The following CFAP74 variants were observed in gnomAD, a reference collection of about 807,000 sequenced individuals.
CFAP74 encodes the protein cilia- and flagella-associated protein 74.
A neutral mutation model predicts 188.9 loss-of-function variants in CFAP74; 124 were observed. The observed-to-expected ratio is 0.66, with a 90% CI of 0.57 to 0.76. The LOEUF is 0.76. Among genes scored for constraint, CFAP74 ranks in the 30% least tolerant of loss-of-function variants. CFAP74 has a pLI of 0.00. For missense variants in CFAP74, 2,198 were observed against 2,165.2 expected (o/e 1.02, Z -0.30); for synonymous variants, 956 against 916.7 (o/e 1.04, Z -0.77).
chr1:1,983,243 AGAAACACG>A (rs755170659), intron 6 of CFAP74, among the ~76,000 whole-genome samples: 10 of 152,218 alleles, frequency 6.6e-5, no homozygotes, highest in Non-Finnish European at 1.5e-4. Flanking sequence ...AATTCTGGCA[AGAAACACG>A]GAGGGATGCC....
chr1:1,968,550 G>A lies in CFAP74; in HGVS notation c.1245+85C>T, dbSNP rs1392457027. The A allele has an allele frequency of 2.8e-5, 33 of 1,190,032 alleles. No homozygotes were observed. Among genetic ancestry groups the A allele is most frequent in the Non-Finnish European group, 3.9e-5 (32 of 818,216 alleles). 73.7% of individuals were successfully genotyped at this position (1,190,032 alleles called of 1,614,324 possible). On this transcript the variant is annotated intron_variant, in intron 11 of 38. Transcript: ENST00000682832. This position sits in a 1 kb window ranked among gnomAD's most constrained non-coding sequence, Gnocchi z 4.3. Reference sequence around the variant, plus strand: ...GGCCATGGTGCTGAGGTCCTCAGAGGATGTCTCACCACACCTGAGCCCTGA... The same window carrying A: ...GGCCATGGTGCTGAGGTCCTCAGAGAATGTCTCACCACACCTGAGCCCTGA...
At chr1:1,948,273 G>A (rs531577088) in intron 18 of CFAP74, among the ~76,000 whole-genome samples, 9 of 152,216 alleles carry the variant, frequency 5.9e-5, no homozygotes, top group Admixed American at 1.3e-4. Context: ...TCTGGGGCCA[G>A]CAGCTTTTTG....
chr1:1,929,412 T>G (rs200071083), intron 26 of CFAP74, among the ~76,000 whole-genome samples: 22 of 21,476 alleles, frequency 1.0e-3, no homozygotes, highest in African/African-American at 1.7e-3. Context: ...GGAGTGAGGG[T>G]AGGGAGGGAG....
In CFAP74 at chr1:1,933,431, C is replaced by T. The variant is rs186915042; in HGVS notation, c.3012-3095G>A. 2.2e-3 allele frequency among the ~76,000 whole-genome samples: 335 copies of T among 152,224 alleles called. 1 individual carries two copies. The highest frequency in any genetic ancestry group is 7.6e-3 in the African/African-American group (317 of 41,528). ...CTGACCTCAGGTGATCCGCCCGCCT[C>T]GGCCTCCCAAAGTGCTGGGATTACA... On this transcript the variant is annotated intron_variant, in intron 25 of 38. Transcript: ENST00000682832.
intron 23 of CFAP74, 98 bp from the exon 24 acceptor site, chr1:1,939,865 C>T (rs888125015): frequency 8.4e-6 from 10 of 1,187,034 alleles, no homozygotes; most frequent in Non-Finnish European, 1.2e-5. Flanking sequence ...GCCTTGTGGC[C>T]ATGGCCCACT....
chr1:2,001,522 T>C (rs1250883535), intron 1 of CFAP74, among the ~76,000 whole-genome samples: 3 of 152,068 alleles, frequency 2.0e-5, no homozygotes, highest in Admixed American at 2.0e-4. Context: ...TAGAGACGGT[T>C]TCACCGTGTT....
At position 1,964,871 on chromosome 1, in the gene CFAP74, C is replaced by A; in HGVS notation, c.1575+17G>T. ...GTGCTGCTGCCCGTCCCGTTCCTGG[C>A]CCAGCTGCGGGCTCACCTGGAAGTG... On this transcript the variant is annotated intron_variant, in intron 13 of 38. Coordinates refer to ENST00000682832, the MANE Select transcript of CFAP74 (RefSeq NM_001304360.2). The A allele has an allele frequency of 6.2e-7, 1 of 1,613,152 alleles. No homozygotes were observed. The highest frequency in any genetic ancestry group is 8.5e-7 in the Non-Finnish European group (1 of 1,179,772).
intron 20 of CFAP74, among the ~76,000 whole-genome samples, chr1:1,944,779 G>A (rs1253282183): frequency 6.6e-6 from 1 of 151,968 alleles, no homozygotes; most frequent in South Asian, 2.1e-4. Flanking sequence ...GCTAATTTTT[G>A]TATTTTTAGT....
chr1:1,975,695 C>T lies in CFAP74; in HGVS notation c.501-1497G>A, dbSNP rs968168468. 2.6e-5 allele frequency among the ~76,000 whole-genome samples: 4 copies of T among 152,288 alleles called. No individual in the cohort carries two copies. Among genetic ancestry groups the T allele is most frequent in the Middle Eastern group, 6.8e-3 (2 of 294 alleles). ...CCCAAGTCTGGGGGACTCCGCGGAG[C>T]TTCCACGGGCGGGTTATTTCTATTC... On this transcript the variant is annotated intron_variant, in intron 6 of 38. Coordinates refer to ENST00000682832, the MANE Select transcript of CFAP74 (RefSeq NM_001304360.2). This position sits in a 1 kb window ranked among gnomAD's most constrained non-coding sequence, Gnocchi z 4.5.
At chr1:1,946,534 A>G in intron 19 of CFAP74, 95 bp from the exon 20 acceptor site, 1 of 1,422,032 alleles carries the variant, frequency 7.0e-7, no homozygotes, top group Non-Finnish European at 9.3e-7. Context: ...CAAGGATGGA[A>G]GGTGGCAGGA....
At position 1,930,304 on chromosome 1, in the gene CFAP74, A is replaced by G. The variant is rs1419561140; in HGVS notation, c.3044T>C (p.Val1015Ala). ...CFKLSCRAVG[V>A]HPPLELSHYQ... ...GTGGGACAGCTCCAGGGGTGGGTGG[A>G]CGCCTACAGCCCGGCAAGACAGCTT... The change falls in exon 26 of 39, where the codon GTC becomes GCC. Residue 1015 changes from valine (V) to alanine (A), a missense_variant. Val to Ala is a moderately conservative substitution (Grantham distance 64, BLOSUM62 0). Coordinates refer to ENST00000682832, the MANE Select transcript of CFAP74 (RefSeq NM_001304360.2). 7 of 1,531,454 alleles carry G rather than the reference A, an allele frequency of 4.6e-6. No homozygotes were observed. In the East Asian group the frequency reaches 1.5e-4, roughly 32 times the overall value. 94.9% of individuals were successfully genotyped at this position (1,531,454 alleles called of 1,614,324 possible).
intron 1 of CFAP74, among the ~76,000 whole-genome samples, chr1:1,998,613 G>A (rs937932133): frequency 1.8e-4 from 28 of 152,208 alleles, no homozygotes; most frequent in Admixed American, 5.2e-4. Flanking sequence ...GGTGGCTCAC[G>A]CCTGTAATCC....
In CFAP74 at chr1:1,968,580, C is replaced by T. The variant is rs1322263295; in HGVS notation, c.1245+55G>A. The T allele has an allele frequency of 5.4e-6, 8 of 1,480,518 alleles. No homozygotes were observed. The East Asian group carries it at 1.8e-4, about 34-fold the overall frequency. The allele number at this position is 1,480,518 out of a possible 1,614,324, so 91.7% of individuals were successfully genotyped here. On this transcript the variant is annotated intron_variant, in intron 11 of 38. Coordinates refer to ENST00000682832, the MANE Select transcript of CFAP74 (RefSeq NM_001304360.2). The surrounding 1 kb of genome is among the most constrained non-coding windows in gnomAD (Gnocchi z 4.3). ...CTCACCACACCTGAGCCCTGAGGCCCCACCTGCCCTCCACAGGTGTGCGGC... is the reference window on the plus strand; with the variant it reads ...CTCACCACACCTGAGCCCTGAGGCCTCACCTGCCCTCCACAGGTGTGCGGC...
At chr1:1,994,704 G>A (rs954991821) in intron 1 of CFAP74, among the ~76,000 whole-genome samples, 1 of 152,170 alleles carries the variant, frequency 6.6e-6, no homozygotes, top group South Asian at 2.1e-4. Context: ...TCTTCTAAAA[G>A]GTGTCATTGC....
chr1:1,937,073 G>A (rs1029498588), intron 25 of CFAP74, among the ~76,000 whole-genome samples: 1 of 152,226 alleles, frequency 6.6e-6, no homozygotes, highest in Non-Finnish European at 1.5e-5. Context: ...GTGTTAGGAA[G>A]GAATCAAAGG....
intron 9 of CFAP74, among the ~76,000 whole-genome samples, chr1:1,971,244 C>T (rs774128379): frequency 1.3e-5 from 2 of 148,418 alleles, no homozygotes; most frequent in South Asian, 4.3e-4. Flanking sequence ...CACACACATG[C>T]ACACACTCAC....
chr1:1,955,170 G>A (rs1176310471), intron 18 of CFAP74: 2 of 1,288,360 alleles, frequency 1.6e-6, no homozygotes, highest in South Asian at 2.5e-5. Context: ...GACAGGAGGA[G>A]GACGGAGGTT....
intron 21 of CFAP74, among the ~76,000 whole-genome samples, chr1:1,943,278 G>A (rs976995469): frequency 2.8e-5 from 4 of 142,398 alleles, no homozygotes; most frequent in African/African-American, 9.3e-5. Flanking sequence ...GTAGTAGGAC[G>A]ATGCCGGAGG....
At chr1:2,000,953 T>TC (rs1658175394) in intron 1 of CFAP74, among the ~76,000 whole-genome samples, 1 of 152,152 alleles carries the variant, frequency 6.6e-6, no homozygotes, top group African/African-American at 2.4e-5. Flanking sequence ...CTCTCCCCCT[T>TC]CCCTTCACTG....
Sources: gnomAD v4.1 joint callset for allele counts (sites outside exome capture counted in the v4.1 genomes callset) on GRCh38, gnomAD v4.1.1 for gene constraint, Gnocchi (gnomAD v3.1) non-coding constraint, MANE v1.5 for transcripts, NCBI Gene and HGNC (gene_info 2026-07-23, HGNC 2026-07-21) for gene names.